The following CD34 variants were observed in gnomAD, a reference collection of about 807,000 sequenced individuals.
CD34 encodes the protein hematopoietic progenitor cell antigen CD34.
A neutral mutation model predicts 40.1 loss-of-function variants in CD34; 34 were observed. The ratio of observed to expected loss-of-function variants is 0.85; its 90% confidence interval spans 0.65 to 1.13. CD34 has a LOEUF of 1.13. Among genes scored for constraint, CD34 ranks in the 50% most tolerant of loss-of-function variants. CD34 has a pLI of 0.00. For missense variants in CD34, 426 were observed against 466.9 expected (o/e 0.91, Z 0.81); for synonymous variants, 209 against 190.0 (o/e 1.10, Z -0.82).
rs1661918521 is a variant in CD34 at position 207,887,174 on chromosome 1, G to A, written c.*564C>T. 1 of 154,688 alleles carries A rather than the reference G, an allele frequency of 6.5e-6. No individual in the cohort carries two copies. Among genetic ancestry groups the A allele is most frequent in the African/African-American group, 2.4e-5 (1 of 41,452 alleles). 9.6% of individuals were successfully genotyped at this position (154,688 alleles called of 1,614,324 possible). ...AGCTCAGTGGAACTTAGAGAACAAGGGAGGAGCTGGTGACCAAGTCCACAG... is the reference window on the plus strand; with the variant it reads ...AGCTCAGTGGAACTTAGAGAACAAGAGAGGAGCTGGTGACCAAGTCCACAG... On this transcript the variant is annotated 3_prime_UTR_variant, in exon 8 of 8. Coordinates refer to ENST00000310833, the MANE Select transcript of CD34 (RefSeq NM_001025109.2).
At chr1:207,901,024 T>A (rs1302318632) in intron 1 of CD34, among the ~76,000 whole-genome samples, 1 of 140,044 alleles carries the variant, frequency 7.1e-6, no homozygotes, top group Non-Finnish European at 1.5e-5. Context: ...TAAGACAGGG[T>A]CTTGCTCTGT....
Position 207,907,223 on chromosome 1 carries a change from T to C in CD34, c.79+3779A>G, listed in dbSNP as rs1481640750. Among the ~76,000 whole-genome samples, 3 of 152,276 alleles carry C rather than the reference T, an allele frequency of 2.0e-5. No individual in the cohort carries two copies. The East Asian group carries it at 5.8e-4, about 29-fold the overall frequency. On this transcript the variant is annotated intron_variant, in intron 1 of 7. Coordinates refer to ENST00000310833, the MANE Select transcript of CD34 (RefSeq NM_001025109.2). Reference sequence around the variant, plus strand: ...GAAATATTAGACATTACTGTGCTAATGAAGCCATGTATTAAAAAAAAATTT... The same window carrying C: ...GAAATATTAGACATTACTGTGCTAACGAAGCCATGTATTAAAAAAAAATTT...
chr1:207,893,600 T>C (rs535232808), intron 4 of CD34, among the ~76,000 whole-genome samples: 24 of 152,332 alleles, frequency 1.6e-4, no homozygotes, highest in African/African-American at 5.5e-4. Flanking sequence ...CTGTAACTTA[T>C]GTTTTCCGCA....
chr1:207,897,980 A>T (rs1445696386), intron 3 of CD34, among the ~76,000 whole-genome samples: 2 of 152,156 alleles, frequency 1.3e-5, no homozygotes, highest in Non-Finnish European at 2.9e-5. Context: ...ATGCTGGGGT[A>T]CCTGTTTTTT....
Position 207,887,635 on chromosome 1 carries a change from T to C in CD34, c.*103A>G. On this transcript the variant is annotated 3_prime_UTR_variant, in exon 8 of 8. Coordinates refer to ENST00000310833, the MANE Select transcript of CD34 (RefSeq NM_001025109.2). The stretch of plus-strand genomic sequence containing the variant: ...CTGAGGTGTGTGCAGTGGGGAAGGG[T>C]TGGGCGTAAGAGATGTCACCTCCAG... The C allele has an allele frequency of 6.6e-7, 1 of 1,513,230 alleles. No homozygotes were observed. Among genetic ancestry groups the C allele is most frequent in the Non-Finnish European group, 8.9e-7 (1 of 1,118,272 alleles). The allele number at this position is 1,513,230 out of a possible 1,614,324, so 93.7% of individuals were successfully genotyped here. A position where few individuals can be genotyped will look rare whatever the true frequency, so the allele number is the denominator to read the frequency against.
Position 207,889,453 on chromosome 1 carries a change from G to T in CD34, c.754+12C>A. The T allele has an allele frequency of 6.2e-7, 1 of 1,605,064 alleles. No individual in the cohort carries two copies. Among genetic ancestry groups the T allele is most frequent in the South Asian group, 1.1e-5 (1 of 90,092 alleles). On this transcript the variant is annotated intron_variant, in intron 5 of 7. Coordinates refer to ENST00000310833, the MANE Select transcript of CD34 (RefSeq NM_001025109.2). Reference sequence around the variant, plus strand: ...CTCCTTCCCTGTTCCCCCAGGCAGAGGTGCACCTTACCTGTTCTGTTGGCC... The same window carrying T: ...CTCCTTCCCTGTTCCCCCAGGCAGATGTGCACCTTACCTGTTCTGTTGGCC...
At chr1:207,894,077 G>A (rs1399096023) in intron 4 of CD34, among the ~76,000 whole-genome samples, 1 of 152,114 alleles carries the variant, frequency 6.6e-6, no homozygotes, top group African/African-American at 2.4e-5. Context: ...CTCAAATCAG[G>A]TTGCCAAGGA....
chr1:207,895,310 C>G (rs567607527), intron 4 of CD34, among the ~76,000 whole-genome samples: 2 of 152,104 alleles, frequency 1.3e-5, no homozygotes, highest in Admixed American at 1.3e-4. Flanking sequence ...TGGGGAGTAG[C>G]AGGAGGCTTT....
chr1:207,907,636 C>T (rs180916650), intron 1 of CD34, among the ~76,000 whole-genome samples: 7 of 152,314 alleles, frequency 4.6e-5, no homozygotes, highest in Middle Eastern at 3.4e-3. Flanking sequence ...CTCATTCCGA[C>T]GGACTCCAAG....
At chr1:207,889,765 A>AC (rs1419057903) in intron 4 of CD34, 144 bp from the exon 5 acceptor site, 2 of 1,587,346 alleles carry the variant, frequency 1.3e-6, no homozygotes, top group Admixed American at 1.9e-5. Flanking sequence ...GAAAAAAAAA[A>AC]AACTGCTAAC....
rs1558121599 is a variant in CD34, at chr1:207,899,955, A to T, written c.128T>A (p.Leu43Ter). The change falls in exon 2 of 8, where the codon TTA (leucine) becomes TAA (stop). Residue 43 changes from leucine to a stop codon, truncating the protein, a stop_gained. Transcript: ENST00000310833. LOFTEE classifies it high-confidence loss of function. ...LDNNGTATPE[L>*]PTQGTFSNVS... ...ATTTGAAAATGTTCCCTGGGTAGGT[A>T]ACTCTGGGGTAGCAGTACCGTTGTT... 6.2e-7 allele frequency: 1 copy of T among 1,613,754 alleles called. No individual in the cohort carries two copies.
intron 1 of CD34, among the ~76,000 whole-genome samples, chr1:207,910,289 G>A (rs1430723836): frequency 6.6e-6 from 1 of 152,164 alleles, no homozygotes; most frequent in African/African-American, 2.4e-5. Flanking sequence ...AGGGGTGACG[G>A]TTTTTGGTAA....
In CD34 at chr1:207,899,048, T is replaced by C. The variant is rs1392136454; in HGVS notation, c.441A>G (p.Ser147=). The C allele has an allele frequency of 4.3e-6, 7 of 1,614,054 alleles. No individual in the cohort carries two copies. The highest frequency in any genetic ancestry group is 5.9e-6 in the Non-Finnish European group (7 of 1,179,992). The part of the protein sequence containing the change: ...SLSPGNVSDL[S]TTSTSLATSP... ...ATGTTGCAAGGCTAGTGCTAGTGGT[T>C]GAAAGGTCTGAAACATTTCCAGGTG... The change falls in exon 3 of 8, where the codon TCA becomes TCG. Residue 147 remains serine (S), a synonymous_variant. Coordinates refer to ENST00000310833, the MANE Select transcript of CD34 (RefSeq NM_001025109.2).
chr1:207,890,464 T>A (rs1478290427), intron 4 of CD34: 1 of 153,726 alleles, frequency 6.5e-6, no homozygotes, highest in African/African-American at 2.4e-5. Context: ...TGCTGGGGTG[T>A]GTGACCATCA....
In CD34 at chr1:207,887,866, C is replaced by A; in HGVS notation, c.1030G>T (p.Gly344Trp). 6.2e-7 allele frequency: 1 copy of A among 1,614,182 alleles called. No homozygotes were observed. Among genetic ancestry groups the A allele is most frequent in the Non-Finnish European group, 8.5e-7 (1 of 1,180,022 alleles). The part of the protein sequence containing the change: ...GGGQGYSSGP[G>W]TSPEAQGKAS... ...TTTCCCTGAGCCTCAGGGGAGGTCC[C>A]AGGTCCTGAGCTATAGCCCTGGCCT... Residue 344 changes from glycine (G) to tryptophan (W), a missense_variant, in exon 8 of 8, where the codon GGG (glycine) becomes TGG (tryptophan). By Grantham distance (184) the Gly-to-Trp change is radical (BLOSUM62 -2). Coordinates refer to ENST00000310833, the MANE Select transcript of CD34 (RefSeq NM_001025109.2).
At chr1:207,910,945 A>C in intron 1 of CD34, 57 bp downstream of exon 1, 1 of 1,496,430 alleles carries the variant, frequency 6.7e-7, no homozygotes, top group Non-Finnish European at 9.0e-7. Flanking sequence ...CCTCCCAGAA[A>C]GCCTCCACCC....
Position 207,884,565 on chromosome 1 carries a change from A to G in CD34, c.*3173T>C, listed in dbSNP as rs1023380279. ...AGCATCCTGTTGCACAAAATCGATGACCTATTACTGGTTTTGTGTGAAGAG... is the reference window on the plus strand; with the variant it reads ...AGCATCCTGTTGCACAAAATCGATGGCCTATTACTGGTTTTGTGTGAAGAG... On this transcript the variant is annotated 3_prime_UTR_variant, in exon 8 of 8. Coordinates refer to ENST00000310833, the MANE Select transcript of CD34 (RefSeq NM_001025109.2). The G allele has an allele frequency of 1.3e-5, 2 of 152,200 alleles. No individual in the cohort carries two copies. The highest frequency in any genetic ancestry group is 2.9e-5 in the Non-Finnish European group (2 of 68,036). 9.4% of individuals were successfully genotyped at this position (152,200 alleles called of 1,614,324 possible).
Position 207,887,826 on chromosome 1 carries a change from C to T in CD34, c.1070G>A (p.Arg357Gln), listed in dbSNP as rs367900443. Reference sequence around the variant, plus strand: ...GCCGGTCCCGTTTTCCTGAGCCCCTCGGTTCACACTGGCCTTTCCCTGAGC... The same window carrying T: ...GCCGGTCCCGTTTTCCTGAGCCCCTTGGTTCACACTGGCCTTTCCCTGAGC... ...PEAQGKASVN[R>Q]GAQENGTGQA... The change falls in exon 8 of 8, where the codon CGA (arginine) becomes CAA (glutamine). Residue 357 changes from arginine (R) to glutamine (Q), a missense_variant. Physicochemically the swap from Arg to Gln is conservative, Grantham distance 43. Coordinates refer to ENST00000310833, the MANE Select transcript of CD34 (RefSeq NM_001025109.2). 2.3e-4 allele frequency: 379 copies of T among 1,614,206 alleles called. 9 individuals carry two copies. Among genetic ancestry groups the T allele is most frequent in the South Asian group, 2.1e-3 (191 of 91,082 alleles).
chr1:207,898,389 T>A (rs1415343626), intron 3 of CD34, among the ~76,000 whole-genome samples: 1 of 152,112 alleles, frequency 6.6e-6, no homozygotes, highest in Admixed American at 6.5e-5. Flanking sequence ...CTCGGGCATA[T>A]CTCATGACTG....
Sources: allele counts gnomAD v4.1 joint callset (sites outside exome capture counted in the v4.1 genomes callset), GRCh38; gene constraint gnomAD v4.1.1; transcripts MANE v1.5; gene names NCBI Gene and HGNC (gene_info 2026-07-23, HGNC 2026-07-21).